Variants in UBN2 observed in about 807,000 individuals in gnomAD.
UBN2 encodes the protein ubinuclein 2.
A neutral mutation model predicts 120.2 loss-of-function variants in UBN2; 35 were observed. The observed-to-expected ratio is 0.29, with a 90% confidence interval of 0.22 to 0.39. The LOEUF is 0.39. Among genes scored for constraint, UBN2 ranks in the 10% least tolerant of loss-of-function variants. UBN2 has a pLI of 1.00. For missense variants in UBN2, 1,693 were observed against 1,663.2 expected (o/e 1.02, Z -0.31); for synonymous variants, 661 against 648.7 (o/e 1.02, Z -0.29).
At chr7:139,290,309 G>A (rs1207859082) in intron 15 of UBN2, among the ~76,000 whole-genome samples, 1 of 152,086 alleles carries the variant, frequency 6.6e-6, no homozygotes, top group Non-Finnish European at 1.5e-5. Flanking sequence ...TTTCTAACTT[G>A]GTAATTTTTT....
intron 2 of UBN2, among the ~76,000 whole-genome samples, chr7:139,242,640 A>T (rs1796353931): frequency 6.6e-6 from 1 of 152,212 alleles, no homozygotes; most frequent in African/African-American, 2.4e-5. Context: ...CATTCTGATC[A>T]CTTGCTGTGA....
Position 139,272,311 on chromosome 7 carries a change from TTTC to T in UBN2, c.1597-8_1597-6del. ...GTCTGATAAAAACTTCTAGTATGTTTTTCTTTTTAGGATGATCGTTTAAGAGAA... is the reference window on the plus strand; with the variant it reads ...GTCTGATAAAAACTTCTAGTATGTTTTTTTTAGGATGATCGTTTAAGAGAA... On this transcript the variant is annotated splice_polypyrimidine_tract_variant and splice_region_variant and intron_variant, in intron 8 of 17. Transcript: ENST00000473989. 6.3e-7 allele frequency: 1 copy of T among 1,597,580 alleles called. No individual in the cohort carries two copies. The highest frequency in any genetic ancestry group is 8.5e-7 in the Non-Finnish European group (1 of 1,172,824).
rs943981627 is a variant in UBN2 at position 139,231,662 on chromosome 7, C to G, written c.178C>G (p.Arg60Gly). 1.1e-3 allele frequency: 1,269 copies of G among 1,195,056 alleles called. 1 individual carries two copies. Among genetic ancestry groups the G allele is most frequent in the Admixed American group, 1.5e-3 (34 of 22,030 alleles). The allele number at this position is 1,195,056 out of a possible 1,614,324, so 74.0% of individuals were successfully genotyped here. A position where few individuals can be genotyped will look rare whatever the true frequency, so the allele number is the denominator to read the frequency against. Residue 60 changes from arginine to glycine, a missense_variant, in exon 1 of 18, where the codon CGC (arginine) becomes GGC (glycine). This residue lies in a region of UBN2 where 663 missense variants were observed against 591.2 expected (regional missense o/e 1.12). Transcript: ENST00000473989. Reference sequence around the variant, plus strand: ...GCCGGCCCCGCGGGAGCCTGCCCCCCGCTCGGACGCGCAGCCCCCGTCGCG... The same window carrying G: ...GCCGGCCCCGCGGGAGCCTGCCCCCGGCTCGGACGCGCAGCCCCCGTCGCG... The part of the protein sequence containing the change: ...EPPAPREPAP[R>G]SDAQPPSREK...
chr7:139,320,436 G>C, the UBN2 span, among the ~76,000 whole-genome samples: 1 of 151,974 alleles, frequency 6.6e-6, no homozygotes, highest in Non-Finnish European at 1.5e-5. Context: ...ACTCCAGCCT[G>C]GGTGACAGAG....
At chr7:139,236,538 A>C (rs963598030) in intron 1 of UBN2, among the ~76,000 whole-genome samples, 1 of 152,218 alleles carries the variant, frequency 6.6e-6, no homozygotes, top group Non-Finnish European at 1.5e-5. Context: ...GAAGATATCA[A>C]TCTAGAATTA....
chr7:139,258,771 T>A, intron 4 of UBN2, 146 bp downstream of exon 4: 3 of 670,854 alleles, frequency 4.5e-6, no homozygotes, highest in Non-Finnish European at 6.5e-6. Context: ...GCTTTAAAAT[T>A]AAATTATGTA....
rs1798261548 is a variant in UBN2 at position 139,301,699 on chromosome 7, TTTTTG to T, written c.*3872_*3876del. On this transcript the variant is annotated 3_prime_UTR_variant, in exon 18 of 18. Coordinates refer to ENST00000473989, the MANE Select transcript of UBN2 (RefSeq NM_173569.4). The stretch of plus-strand genomic sequence containing the variant: ...ATTTGTTTGCTTTTTTTTTGTTTGT[TTTTTG>T]TTTTGTTTCTGTTTTTGTTTTTTTT... 2 of 152,250 alleles carry T rather than the reference TTTTTG, an allele frequency of 1.3e-5. No individual in the cohort carries two copies. The highest frequency in any genetic ancestry group is 1.3e-4 in the Admixed American group (2 of 15,298). 9.4% of individuals were successfully genotyped at this position (152,250 alleles called of 1,614,324 possible).
At chr7:139,254,797 G>A (rs930054158) in intron 3 of UBN2, among the ~76,000 whole-genome samples, 2 of 152,130 alleles carry the variant, frequency 1.3e-5, no homozygotes, top group Admixed American at 1.3e-4. Flanking sequence ...TCTTTTCTTA[G>A]AGCAGTTTTA....
intron 3 of UBN2, among the ~76,000 whole-genome samples, chr7:139,254,257 T>TGC (rs1394605599): frequency 1.3e-5 from 2 of 151,942 alleles, no homozygotes; most frequent in Non-Finnish European, 2.9e-5. Flanking sequence ...CGCGCCACTG[T>TGC]ACTCCAGCCT....
rs1797675658 is a variant in UBN2, at chr7:139,283,455, T to C, written c.2550T>C (p.Thr850=). Residue 850 remains threonine (T), a synonymous_variant, in exon 15 of 18, where the codon ACT becomes ACC. Transcript: ENST00000473989. ...VPKKPQDLAH[T]GISSGLIAGS... ...AGAAACCCCAGGATTTAGCTCATAC[T>C]GGCATCTCTTCAGGCCTTATTGCTG... The C allele has an allele frequency of 6.2e-7, 1 of 1,614,050 alleles. No individual in the cohort carries two copies. Among genetic ancestry groups the C allele is most frequent in the African/African-American group, 1.3e-5 (1 of 74,914 alleles).
intron 2 of UBN2, among the ~76,000 whole-genome samples, chr7:139,238,456 CT>C: frequency 7.9e-6 from 1 of 127,202 alleles, no homozygotes; most frequent in Admixed American, 1.0e-4. Context: ...AAGACAGAGT[CT>C]CTGTCACTCA....
Position 139,284,496 on chromosome 7 carries a change from G to A in UBN2, c.3591G>A (p.Gln1197=), listed in dbSNP as rs1797722230. ...SLSGGTGSGT[Q]GATKPLSTPH... ...CTGGGGGAACAGGAAGTGGAACACA[G>A]GGTGCTACCAAACCATTGTCTACTC... The change falls in exon 15 of 18, where the codon CAG becomes CAA. Residue 1197 remains glutamine (Q), a synonymous_variant. Transcript: ENST00000473989. 6.2e-7 allele frequency: 1 copy of A among 1,614,180 alleles called. No homozygotes were observed. The highest frequency in any genetic ancestry group is 2.2e-5 in the East Asian group (1 of 44,884).
chr7:139,247,463 C>T (rs1796501305), intron 2 of UBN2, among the ~76,000 whole-genome samples: 1 of 152,156 alleles, frequency 6.6e-6, no homozygotes, highest in Admixed American at 6.5e-5. Context: ...TATAACTTCT[C>T]ATATAGAATT....
At chr7:139,318,503 ATTTG>A in the UBN2 span, among the ~76,000 whole-genome samples, 48 of 151,986 alleles carry the variant, frequency 3.2e-4, 1 homozygote, top group Admixed American at 1.2e-3. Flanking sequence ...TGGCTATTTT[ATTTG>A]TTTGTTTGTT....
chr7:139,256,633 A>G (rs1796774063), intron 3 of UBN2, among the ~76,000 whole-genome samples: 1 of 152,198 alleles, frequency 6.6e-6, no homozygotes, highest in Non-Finnish European at 1.5e-5. Flanking sequence ...CAAAGAGTAC[A>G]GGTGTTTTTA....
At chr7:139,270,355 A>G (rs1417456847) in intron 8 of UBN2, among the ~76,000 whole-genome samples, 1 of 146,074 alleles carries the variant, frequency 6.8e-6, no homozygotes, top group African/African-American at 2.6e-5. Context: ...TGCAACCACC[A>G]TCTCCCAGGT....
chr7:139,308,559 C>T (rs931996600), downstream of UBN2, among the ~76,000 whole-genome samples: 2 of 152,068 alleles, frequency 1.3e-5, no homozygotes, highest in Non-Finnish European at 1.5e-5. Context: ...TGAGGTGGGC[C>T]TCCAAGAACT....
At chr7:139,263,031 C>T (rs188295373) in intron 6 of UBN2, among the ~76,000 whole-genome samples, 4 of 152,106 alleles carry the variant, frequency 2.6e-5, no homozygotes, top group South Asian at 4.2e-4. Flanking sequence ...TTGGCTGTTA[C>T]GAAGGTTAAA....
chr7:139,318,899 C>T, the UBN2 span, among the ~76,000 whole-genome samples: 2 of 152,052 alleles, frequency 1.3e-5, no homozygotes, highest in Non-Finnish European at 2.9e-5. Flanking sequence ...GGTGGTTCTC[C>T]GGCTGGTGGC....
Sources: gnomAD v4.1 joint callset for allele counts (sites outside exome capture counted in the v4.1 genomes callset) on GRCh38, gnomAD v4.1.1 for gene constraint, gnomAD v4.1.1 regional missense constraint, MANE v1.5 for transcripts, NCBI Gene and HGNC (gene_info 2026-07-23, HGNC 2026-07-21) for gene names.